Variants in PLCG2 observed in about 807,000 individuals in gnomAD.
PLCG2 encodes 1-phosphatidylinositol 4,5-bisphosphate phosphodiesterase gamma-2.
In PLCG2, 69 loss-of-function variants were observed where a neutral mutation model predicts 175.6. The ratio of observed to expected loss-of-function variants is 0.39; its 90% CI spans 0.32 to 0.48. The LOEUF is 0.48. PLCG2 is among the 20% of genes least tolerant of loss of function. The probability of loss-of-function intolerance (pLI) is 0.91; values close to 1 mark genes in which losing one functional copy is unlikely to be tolerated. For synonymous variants in PLCG2, 827 were observed against 624.0 expected (o/e 1.33, Z -4.85); for missense variants, 1,798 against 1,650.9 (o/e 1.09, Z -1.54).
At chr16:81,797,608 C>A (rs1212212182) in intron 2 of PLCG2, among the ~76,000 whole-genome samples, 2 of 152,216 alleles carry the variant, frequency 1.3e-5, no homozygotes, top group Non-Finnish European at 2.9e-5. Context: ...CCTCAGATAC[C>A]TGGTTAACAG....
intron 7 of PLCG2, among the ~76,000 whole-genome samples, chr16:81,874,335 T>C (rs1181467838): frequency 6.6e-6 from 1 of 152,186 alleles, no homozygotes; most frequent in Non-Finnish European, 1.5e-5. Context: ...CAAAGAAGTT[T>C]TGCTTTGGCA....
chr16:81,834,591 AGCTGCT>A (rs112113666), intron 2 of PLCG2, among the ~76,000 whole-genome samples: 16 of 151,358 alleles, frequency 1.1e-4, no homozygotes, highest in Middle Eastern at 3.4e-3. Context: ...GGATCTGCAG[AGCTGCT>A]GCTGCTGCTG....
intron 8 of PLCG2, among the ~76,000 whole-genome samples, chr16:81,882,550 G>A (rs1225260467): frequency 6.6e-6 from 1 of 151,986 alleles, no homozygotes; most frequent in Non-Finnish European, 1.5e-5. Context: ...GCCCTGTCTG[G>A]GTATTGGATA....
intron 2 of PLCG2, among the ~76,000 whole-genome samples, chr16:81,838,547 G>C (rs1905645398): frequency 1.3e-5 from 2 of 151,964 alleles, no homozygotes; most frequent in African/African-American, 4.8e-5. Context: ...CTCATCAGTG[G>C]GAGTTGAACA....
chr16:81,942,094 T>G (rs1023787706), intron 30 of PLCG2, among the ~76,000 whole-genome samples: 1 of 152,176 alleles, frequency 6.6e-6, no homozygotes, highest in African/African-American at 2.4e-5. Flanking sequence ...GATTTCTTTT[T>G]ATGGTAACTG....
chr16:81,798,261 A>G (rs887678055), intron 2 of PLCG2, among the ~76,000 whole-genome samples: 1 of 152,182 alleles, frequency 6.6e-6, no homozygotes, highest in Non-Finnish European at 1.5e-5. Context: ...CCTCCCAGCC[A>G]TGCTGCCATA....
intron 1 of PLCG2, among the ~76,000 whole-genome samples, chr16:81,744,412 C>T (rs1427651787): frequency 6.6e-6 from 1 of 152,116 alleles, no homozygotes; most frequent in Non-Finnish European, 1.5e-5. Context: ...ATCTGCCCGC[C>T]TTGCCCTCCC....
At chr16:81,784,130 C>T (rs889438100) in intron 1 of PLCG2, among the ~76,000 whole-genome samples, 1 of 152,194 alleles carries the variant, frequency 6.6e-6, no homozygotes, top group Non-Finnish European at 1.5e-5. Context: ...TAATTATCTC[C>T]TGCTGCTGGC....
At chr16:81,791,526 C>G (rs1006053161) in intron 2 of PLCG2, among the ~76,000 whole-genome samples, 1 of 152,126 alleles carries the variant, frequency 6.6e-6, no homozygotes, top group Non-Finnish European at 1.5e-5. Context: ...CATCTGATAC[C>G]TTAGTGGTGA....
intron 17 of PLCG2, 74 bp from the exon 18 acceptor site, chr16:81,910,446 C>T (rs529465243): frequency 2.3e-5 from 31 of 1,344,210 alleles, no homozygotes; most frequent in East Asian, 4.6e-5. Context: ...GTAATGTCCC[C>T]GCCTCTGAGG....
At chr16:81,897,832 A>G in intron 13 of PLCG2, 1 of 455,888 alleles carries the variant, frequency 2.2e-6, no homozygotes, top group South Asian at 1.5e-5. Flanking sequence ...GGCATGAGCC[A>G]CCGTGCCCAA....
chr16:81,821,078 G>C (rs1246162144), intron 2 of PLCG2, among the ~76,000 whole-genome samples: 2 of 152,088 alleles, frequency 1.3e-5, no homozygotes, highest in Non-Finnish European at 2.9e-5. Flanking sequence ...TTTTAGTAGA[G>C]ACAGGGTCTC....
At chr16:81,880,753 T>C (rs1908038139) in intron 7 of PLCG2, among the ~76,000 whole-genome samples, 157 bp from the exon 8 acceptor site, 1 of 152,260 alleles carries the variant, frequency 6.6e-6, no homozygotes, top group Non-Finnish European at 1.5e-5. Context: ...GTTTCTGTTA[T>C]ATTTGAATAT....
intron 2 of PLCG2, among the ~76,000 whole-genome samples, chr16:81,828,999 T>G (rs1239007588): frequency 1.3e-5 from 2 of 152,230 alleles, no homozygotes; most frequent in Non-Finnish European, 2.9e-5. Context: ...TCAGGAATAG[T>G]CAGAAAAGCA....
At chr16:81,827,104 C>T (rs9933031) in intron 2 of PLCG2, among the ~76,000 whole-genome samples, 5,967 of 152,030 alleles carry the variant, frequency 0.039, 170 homozygotes, top group African/African-American at 0.071. Flanking sequence ...GTTGACCTTG[C>T]GCTGAAATAA....
chr16:81,883,628 G>T, intron 9 of PLCG2: 2 of 470,780 alleles, frequency 4.2e-6, no homozygotes, highest in Non-Finnish European at 7.8e-6. Context: ...GGGCAGGAGG[G>T]GTGAGGGCCT....
intron 31 of PLCG2, among the ~76,000 whole-genome samples, chr16:81,952,030 TGTG>T (rs1200072250): frequency 2.0e-5 from 3 of 152,034 alleles, no homozygotes; most frequent in Non-Finnish European, 4.4e-5. Flanking sequence ...CAAACAGAAA[TGTG>T]GTGTGGGAGG....
At chr16:81,957,044 A>G (rs956717420) in intron 32 of PLCG2, among the ~76,000 whole-genome samples, 165 bp downstream of exon 32, 2 of 151,906 alleles carry the variant, frequency 1.3e-5, no homozygotes, top group African/African-American at 4.8e-5. Context: ...CATGCCTGTA[A>G]TCCCAGCACT....
intron 5 of PLCG2, among the ~76,000 whole-genome samples, chr16:81,862,106 AC>A (rs1232356343): frequency 2.1e-4 from 32 of 152,360 alleles, no homozygotes; most frequent in African/African-American, 7.7e-4. Flanking sequence ...TGAAAGAGCA[AC>A]TGACTTCTGT....
Sources: allele counts gnomAD v4.1 joint callset (sites outside exome capture counted in the v4.1 genomes callset), GRCh38; gene constraint gnomAD v4.1.1; transcripts MANE v1.5; gene names NCBI Gene and HGNC (gene_info 2026-07-23, HGNC 2026-07-21).